SNX29: variants seen among roughly 807,000 people sequenced by gnomAD.
SNX29 encodes the protein sorting nexin-29.
A neutral mutation model predicts 102.1 loss-of-function variants in SNX29; 78 were observed. The ratio of observed to expected loss-of-function variants is 0.76; its 90% CI spans 0.64 to 0.92. The LOEUF (loss-of-function observed/expected upper bound fraction) is 0.92, where lower values mean the gene tolerates loss of function less well. SNX29 is among the 40% of genes least tolerant of loss of function. SNX29 has a pLI of 0.00. For missense variants in SNX29, 1,280 were observed against 1,061.7 expected (o/e 1.21, Z -2.86); for synonymous variants, 580 against 414.5 (o/e 1.40, Z -4.85).
intron 20 of SNX29, among the ~76,000 whole-genome samples, chr16:12,538,140 G>C (rs978025985): frequency 3.9e-5 from 6 of 152,016 alleles, no homozygotes; most frequent in African/African-American, 1.5e-4. Context: ...TTTTGAGACG[G>C]AGTCTCACTC....
At chr16:12,394,064 G>C (rs1461735798) in intron 16 of SNX29, among the ~76,000 whole-genome samples, 1 of 152,162 alleles carries the variant, frequency 6.6e-6, no homozygotes, top group Admixed American at 6.5e-5. Flanking sequence ...AAAGGACCTG[G>C]GACTTCCTAG....
At chr16:12,312,599 C>T (rs2080594976) in intron 15 of SNX29, among the ~76,000 whole-genome samples, 1 of 152,066 alleles carries the variant, frequency 6.6e-6, no homozygotes, top group African/African-American at 2.4e-5. Context: ...TCTCGCATTT[C>T]TTGGGAGCTT....
chr16:12,445,057 G>A (rs570843535), intron 18 of SNX29, among the ~76,000 whole-genome samples: 1 of 151,978 alleles, frequency 6.6e-6, no homozygotes, highest in Admixed American at 6.6e-5. Context: ...CACCATGTTG[G>A]CCAGGCTGAT....
At chr16:12,215,558 A>T (rs932134557) in intron 14 of SNX29, among the ~76,000 whole-genome samples, 1 of 152,068 alleles carries the variant, frequency 6.6e-6, no homozygotes, top group Non-Finnish European at 1.5e-5. Context: ...TGGGCTCCAG[A>T]GGGGGGTGCC....
chr16:12,555,832 T>C (rs1246139733), intron 20 of SNX29, among the ~76,000 whole-genome samples: 5 of 152,214 alleles, frequency 3.3e-5, no homozygotes, highest in African/African-American at 1.2e-4. Context: ...TCCAGCTGAC[T>C]GACCAACCCC....
At chr16:12,424,764 C>T (rs2084995066) in intron 18 of SNX29, among the ~76,000 whole-genome samples, 1 of 152,184 alleles carries the variant, frequency 6.6e-6, no homozygotes, top group Non-Finnish European at 1.5e-5. Flanking sequence ...CGTCTCTCCC[C>T]TCTCTATACC....
intron 20 of SNX29, among the ~76,000 whole-genome samples, chr16:12,545,185 G>C (rs923293383): frequency 7.2e-5 from 11 of 152,154 alleles, no homozygotes; most frequent in African/African-American, 2.7e-4. Context: ...AAACAAATAT[G>C]GTCAATACAA....
intron 14 of SNX29, among the ~76,000 whole-genome samples, chr16:12,222,483 C>T (rs1484204399): frequency 1.3e-5 from 2 of 152,208 alleles, no homozygotes; most frequent in Non-Finnish European, 2.9e-5. Context: ...TCAGTTGGGG[C>T]AGCTTCCCGC....
intron 11 of SNX29, among the ~76,000 whole-genome samples, chr16:12,084,670 T>C (rs2052073753): frequency 6.6e-6 from 1 of 152,172 alleles, no homozygotes; most frequent in South Asian, 2.1e-4. Flanking sequence ...GCCCCCTCAG[T>C]ACCGTGTCCT....
intron 3 of SNX29, among the ~76,000 whole-genome samples, chr16:12,014,304 T>C (rs2056775790): frequency 6.6e-6 from 1 of 152,124 alleles, no homozygotes; most frequent in African/African-American, 2.4e-5. Flanking sequence ...AGATTCCTTC[T>C]CAGTGCCAGC....
chr16:12,503,503 G>C (rs559802517), intron 19 of SNX29, among the ~76,000 whole-genome samples: 9 of 152,274 alleles, frequency 5.9e-5, no homozygotes, highest in African/African-American at 2.2e-4. Flanking sequence ...ACAATAAGTG[G>C]GGGATGCCCA....
intron 11 of SNX29, chr16:12,087,982 T>C (rs1219550497): frequency 1.1e-5 from 5 of 456,598 alleles, no homozygotes; most frequent in Admixed American, 4.7e-5. Flanking sequence ...GGCTAGACCC[T>C]GTGCAGGGGG....
At chr16:12,226,990 C>G (rs1393841258) in intron 14 of SNX29, among the ~76,000 whole-genome samples, 1 of 152,164 alleles carries the variant, frequency 6.6e-6, no homozygotes, top group Non-Finnish European at 1.5e-5. Context: ...TTGAATCTAT[C>G]TTTGAAAGGG....
chr16:12,472,004 T>G (rs1452862517), intron 18 of SNX29, among the ~76,000 whole-genome samples: 2 of 152,254 alleles, frequency 1.3e-5, no homozygotes, highest in Non-Finnish European at 2.9e-5. Flanking sequence ...TGTTCATAGT[T>G]GCTTTATTCA....
intron 19 of SNX29, among the ~76,000 whole-genome samples, chr16:12,506,047 G>A (rs12444275): frequency 2.2e-4 from 33 of 151,888 alleles, no homozygotes; most frequent in Non-Finnish European, 4.3e-4. Context: ...TGCAACCTCC[G>A]CCTCCCAGGC....
chr16:12,028,879 G>A (rs2057264662), intron 4 of SNX29, among the ~76,000 whole-genome samples: 1 of 151,890 alleles, frequency 6.6e-6, no homozygotes, highest in South Asian at 2.1e-4. Context: ...CTCCCGAGTA[G>A]CTGGGATTAC....
intron 16 of SNX29, among the ~76,000 whole-genome samples, chr16:12,358,609 A>G (rs1466095121): frequency 6.6e-6 from 1 of 152,126 alleles, no homozygotes; most frequent in African/African-American, 2.4e-5. Context: ...CTATTGTCTG[A>G]TTGTAGGTCA....
chr16:12,572,859 A>G lies in SNX29; in HGVS notation c.*4230A>G, dbSNP rs908591938. The G allele has an allele frequency of 1.7e-5, 18 of 1,063,132 alleles. No homozygotes were observed. The highest frequency in any genetic ancestry group is 8.3e-4 in the Middle Eastern group (2 of 2,406). 65.9% of individuals were successfully genotyped at this position (1,063,132 alleles called of 1,614,324 possible). A position where few individuals can be genotyped will look rare whatever the true frequency, so the allele number is the denominator to read the frequency against. ...AGCCTCATGCCCAGGTTTCAGCCCT[A>G]AAGGTAATGATTGTCTTGACTCTGC... On this transcript the variant is annotated 3_prime_UTR_variant, in exon 21 of 21. Transcript: ENST00000566228.
chr16:12,463,004 TA>T (rs1490125047), intron 18 of SNX29, among the ~76,000 whole-genome samples: 3 of 152,182 alleles, frequency 2.0e-5, no homozygotes, highest in Non-Finnish European at 4.4e-5. Flanking sequence ...TGACTCCAGC[TA>T]TTTCTGAGTT....
Sources: gnomAD v4.1 joint callset for allele counts (sites outside exome capture counted in the v4.1 genomes callset) on GRCh38, gnomAD v4.1.1 for gene constraint, MANE v1.5 for transcripts, NCBI Gene and HGNC (gene_info 2026-07-23, HGNC 2026-07-21) for gene names.